Variants in RBMS3 observed in about 807,000 individuals in gnomAD.
RBMS3 encodes RNA binding motif single stranded interacting protein 3.
A neutral mutation model predicts 66.8 loss-of-function variants in RBMS3; 27 were observed. The ratio of observed to expected loss-of-function variants is 0.40; its 90% CI spans 0.30 to 0.56. The LOEUF is 0.56. RBMS3 is among the 20% of genes least tolerant of loss of function. RBMS3 has a pLI of 0.40. For synonymous variants in RBMS3, 188 were observed against 183.0 expected (o/e 1.03, Z -0.22); for missense variants, 513 against 549.5 (o/e 0.93, Z 0.66).
intron 3 of RBMS3, among the ~76,000 whole-genome samples, chr3:29,496,503 G>A (rs1022685804): frequency 1.8e-4 from 27 of 152,200 alleles, no homozygotes; most frequent in African/African-American, 5.8e-4. Context: ...TACATTTTAC[G>A]TAGAATTTTT....
At chr3:29,675,682 C>T (rs1388244598) in intron 4 of RBMS3, among the ~76,000 whole-genome samples, 3 of 152,178 alleles carry the variant, frequency 2.0e-5, no homozygotes, top group Non-Finnish European at 4.4e-5. Context: ...AAAAAATGCT[C>T]ATCATCACTG....
intron 4 of RBMS3, among the ~76,000 whole-genome samples, chr3:29,735,251 A>G (rs190024686): frequency 6.6e-6 from 1 of 152,256 alleles, no homozygotes; most frequent in Admixed American, 6.5e-5. Flanking sequence ...ATGACAATAA[A>G]TCTGATTTTG....
At chr3:29,695,533 A>G (rs2052228373) in intron 4 of RBMS3, among the ~76,000 whole-genome samples, 1 of 152,140 alleles carries the variant, frequency 6.6e-6, no homozygotes, top group Admixed American at 6.5e-5. Context: ...CTTCACTTCT[A>G]GAGTTGTTAT....
intron 1 of RBMS3, among the ~76,000 whole-genome samples, chr3:29,368,241 T>C (rs2038011564): frequency 6.6e-6 from 1 of 152,186 alleles, no homozygotes; most frequent in Non-Finnish European, 1.5e-5. Flanking sequence ...GAAAAAACCA[T>C]CAAGGTCTGT....
intron 6 of RBMS3, among the ~76,000 whole-genome samples, chr3:29,811,001 G>A (rs542886146): frequency 2.6e-5 from 4 of 152,044 alleles, no homozygotes; most frequent in African/African-American, 4.8e-5. Context: ...TTGCATTATC[G>A]AATAGTTTGT....
intron 3 of RBMS3, among the ~76,000 whole-genome samples, chr3:29,573,009 G>C (rs933302778): frequency 3.3e-5 from 5 of 152,036 alleles, no homozygotes; most frequent in African/African-American, 1.2e-4. Flanking sequence ...TGCATATCTA[G>C]GAATTTATTC....
intron 3 of RBMS3, among the ~76,000 whole-genome samples, chr3:29,518,653 A>G (rs1398161987): frequency 6.6e-6 from 1 of 152,182 alleles, no homozygotes; most frequent in African/African-American, 2.4e-5. Context: ...TCGTCAACAC[A>G]TTTCATACCA....
At chr3:29,669,426 A>T (rs761845953) in intron 4 of RBMS3, among the ~76,000 whole-genome samples, 1 of 152,232 alleles carries the variant, frequency 6.6e-6, no homozygotes, top group African/African-American at 2.4e-5. Context: ...ACAGAAAGTC[A>T]TCTATCTAAG....
intron 7 of RBMS3, among the ~76,000 whole-genome samples, chr3:29,874,675 T>G (rs2059569806): frequency 6.6e-6 from 1 of 152,220 alleles, no homozygotes; most frequent in Non-Finnish European, 1.5e-5. Context: ...ATTTATTTTA[T>G]GTGCTTTATC....
chr3:29,796,142 T>C (rs2057174340), intron 6 of RBMS3, among the ~76,000 whole-genome samples: 1 of 152,252 alleles, frequency 6.6e-6, no homozygotes, highest in African/African-American at 2.4e-5. Flanking sequence ...TACACCATAC[T>C]GTAGCGTATT....
chr3:29,521,120 T>A (rs1166482542), intron 3 of RBMS3, among the ~76,000 whole-genome samples: 1 of 152,096 alleles, frequency 6.6e-6, no homozygotes, highest in Non-Finnish European at 1.5e-5. Context: ...TCCTATTTTA[T>A]CCCACCCCAT....
chr3:29,570,041 A>G (rs1349363760), intron 3 of RBMS3, among the ~76,000 whole-genome samples: 2 of 152,156 alleles, frequency 1.3e-5, no homozygotes, highest in Non-Finnish European at 2.9e-5. Flanking sequence ...TGGCTAAAAT[A>G]AGGAAAACAA....
chr3:29,990,460 CAAAAAAAAAAAAAA>C (rs10596526), intron 13 of RBMS3, among the ~76,000 whole-genome samples: 9 of 106,514 alleles, frequency 8.4e-5, no homozygotes, highest in East Asian at 7.3e-4. Context: ...CTGTGAGAAA[CAAAAAAAAAAAAAA>C]AAAAAAAAAT....
At chr3:29,368,385 G>T (rs543687606) in intron 1 of RBMS3, among the ~76,000 whole-genome samples, 1 of 152,102 alleles carries the variant, frequency 6.6e-6, no homozygotes, top group Non-Finnish European at 1.5e-5. Flanking sequence ...ATTTATTGGA[G>T]TATTGCTGGG....
intron 8 of RBMS3, among the ~76,000 whole-genome samples, chr3:29,894,473 T>C (rs986464366): frequency 6.6e-5 from 10 of 151,494 alleles, no homozygotes; most frequent in African/African-American, 2.4e-4. Flanking sequence ...TGTCCTTATA[T>C]GGCCTTTCCT....
intron 6 of RBMS3, among the ~76,000 whole-genome samples, chr3:29,867,418 T>C (rs879548736): frequency 6.7e-5 from 10 of 149,042 alleles, no homozygotes; most frequent in Admixed American, 5.4e-4. Flanking sequence ...TTTTTTTCTG[T>C]TGTGAACTGC....
intron 4 of RBMS3, among the ~76,000 whole-genome samples, chr3:29,683,108 A>AT (rs1485798499): frequency 6.6e-6 from 1 of 152,092 alleles, no homozygotes; most frequent in South Asian, 2.1e-4. Flanking sequence ...CTTTGCTTTC[A>AT]TTTTTTACTA....
At chr3:29,983,325 G>A (rs1330328695) in intron 12 of RBMS3, among the ~76,000 whole-genome samples, 1 of 151,094 alleles carries the variant, frequency 6.6e-6, no homozygotes, top group African/African-American at 2.4e-5. Flanking sequence ...ATGTGAGATG[G>A]GTCTCCTGAA....
intron 6 of RBMS3, among the ~76,000 whole-genome samples, chr3:29,838,964 G>T (rs1239277791): frequency 6.6e-6 from 1 of 152,082 alleles, no homozygotes; most frequent in African/African-American, 2.4e-5. Flanking sequence ...TTCTTATAGA[G>T]GCTGCCAGGG....
Sources: gnomAD v4.1 joint callset for allele counts (sites outside exome capture counted in the v4.1 genomes callset) on GRCh38, gnomAD v4.1.1 for gene constraint, MANE v1.5 for transcripts, NCBI Gene and HGNC (gene_info 2026-07-23, HGNC 2026-07-21) for gene names.